UVRAG: variants seen among roughly 807,000 people sequenced by gnomAD.
UVRAG encodes the protein UV radiation resistance-associated gene protein.
In UVRAG, 19 loss-of-function variants were observed where a neutral mutation model predicts 78.0. That is an observed-to-expected ratio of 0.24 (90% CI 0.17 to 0.36). The LOEUF is 0.36. Ranked by LOEUF, UVRAG falls within the 10% of genes least tolerant of loss-of-function variation. UVRAG has a pLI of 1.00. For synonymous variants in UVRAG, 323 were observed against 324.6 expected (o/e 1.00, Z 0.05); for missense variants, 740 against 853.8 (o/e 0.87, Z 1.66).
At chr11:75,896,282 G>T (rs1565368805) in intron 5 of UVRAG, among the ~76,000 whole-genome samples, 1 of 152,162 alleles carries the variant, frequency 6.6e-6, no homozygotes, top group South Asian at 2.1e-4. Context: ...CGCTATGATG[G>T]TGATTAGGGG....
intron 1 of UVRAG, among the ~76,000 whole-genome samples, chr11:75,834,675 G>A (rs1464543049): frequency 1.3e-5 from 2 of 152,058 alleles, no homozygotes; most frequent in Admixed American, 6.6e-5. Flanking sequence ...TTAGCCGGGT[G>A]TGGTGGCACG....
Position 76,107,883 on chromosome 11 carries a change from C to A in UVRAG, c.1306-8041C>A, listed in dbSNP as rs147113707. 3.3e-3 allele frequency among the ~76,000 whole-genome samples: 498 copies of A among 151,856 alleles called. 2 individuals carry two copies. Among genetic ancestry groups the A allele is most frequent in the Non-Finnish European group, 5.4e-3 (365 of 67,950 alleles). On this transcript the variant is annotated intron_variant, in intron 13 of 14. Transcript: ENST00000356136. ...TGGATTGAAATAGTGGTAACTAGTT[C>A]CACAGAGATGTTTGCCTACATAAGG...
chr11:76,069,996 A>C (rs756759765), intron 13 of UVRAG, among the ~76,000 whole-genome samples: 7 of 152,236 alleles, frequency 4.6e-5, no homozygotes, highest in Non-Finnish European at 1.0e-4. Context: ...ATTAATAATG[A>C]ATGGTGATAT....
intron 5 of UVRAG, among the ~76,000 whole-genome samples, chr11:75,910,539 C>CTTTTTTTT (rs935961405): frequency 8.1e-6 from 1 of 124,050 alleles, no homozygotes; most frequent in Non-Finnish European, 1.7e-5. Context: ...TCCTTTTTAT[C>CTTTTTTTT]TTTTTTTTTT....
At chr11:76,130,131 G>C (rs1231496988) in intron 14 of UVRAG, among the ~76,000 whole-genome samples, 1 of 152,074 alleles carries the variant, frequency 6.6e-6, no homozygotes, top group Admixed American at 6.5e-5. Flanking sequence ...TGCTGTTCCT[G>C]CTACCTGGAA....
intron 9 of UVRAG, among the ~76,000 whole-genome samples, chr11:76,005,714 G>A (rs558498422): frequency 6.6e-6 from 1 of 152,348 alleles, no homozygotes; most frequent in Non-Finnish European, 1.5e-5. Context: ...GTTGTGACCT[G>A]TGCTTCTGAT....
At chr11:75,961,618 G>A (rs1207458082) in intron 7 of UVRAG, 69 bp downstream of exon 7, 2 of 1,271,880 alleles carry the variant, frequency 1.6e-6, no homozygotes, top group Admixed American at 2.8e-5. Flanking sequence ...TTCTTCTAGG[G>A]TTAATTTTAA....
chr11:75,828,683 A>G (rs2135816073), intron 1 of UVRAG, among the ~76,000 whole-genome samples: 1 of 110,734 alleles, frequency 9.0e-6, no homozygotes, highest in South Asian at 2.8e-4. Flanking sequence ...ATATATACAC[A>G]TATACATGTG....
intron 12 of UVRAG, among the ~76,000 whole-genome samples, chr11:76,061,310 C>G (rs1035509654): frequency 2.0e-5 from 3 of 152,134 alleles, no homozygotes; most frequent in African/African-American, 4.8e-5. Context: ...AGCGCCCTGT[C>G]AAAGCAGACC....
chr11:75,849,005 C>CCTGT (rs1946094408), intron 1 of UVRAG, among the ~76,000 whole-genome samples: 1 of 151,928 alleles, frequency 6.6e-6, no homozygotes, highest in Admixed American at 6.6e-5. Context: ...ATGGTGAAAC[C>CCTGT]CTGTCTTTAC....
chr11:76,003,033 A>G (rs2135331007), intron 8 of UVRAG, among the ~76,000 whole-genome samples: 1 of 152,154 alleles, frequency 6.6e-6, no homozygotes, highest in South Asian at 2.1e-4. Flanking sequence ...AGCTGTCATC[A>G]TGCCACTGTA....
chr11:75,884,240 T>TCTTTCTCTCTCTCTCTC (rs1555080662), intron 4 of UVRAG, among the ~76,000 whole-genome samples: 2,896 of 131,968 alleles, frequency 0.022, 73 homozygotes, highest in African/African-American at 0.076. Flanking sequence ...CTCTCTCTCT[T>TCTTTCTCTCTCTCTCTC]TCTCTCTCTC....
At chr11:75,994,053 T>G (rs115442369) in intron 8 of UVRAG, among the ~76,000 whole-genome samples, 1,713 of 152,162 alleles carry the variant, frequency 0.011, 38 homozygotes, top group African/African-American at 0.039. Flanking sequence ...CCATTATTCC[T>G]CCCCTCCAAC....
At chr11:76,134,694 A>G (rs975570766) in intron 14 of UVRAG, among the ~76,000 whole-genome samples, 2 of 152,234 alleles carry the variant, frequency 1.3e-5, no homozygotes, top group Non-Finnish European at 2.9e-5. Flanking sequence ...ACTGAAACGA[A>G]TCATAATGAC....
intron 13 of UVRAG, among the ~76,000 whole-genome samples, chr11:76,089,119 A>C (rs1299783011): frequency 6.6e-6 from 1 of 152,218 alleles, no homozygotes; most frequent in Non-Finnish European, 1.5e-5. Context: ...GGGAGTTCAC[A>C]TTTGTATCAA....
At chr11:75,875,443 C>CA (rs1487464743) in intron 3 of UVRAG, among the ~76,000 whole-genome samples, 3 of 148,848 alleles carry the variant, frequency 2.0e-5, no homozygotes, top group Non-Finnish European at 3.0e-5. Context: ...TGCTTAGGAC[C>CA]TGTTACGTAT....
chr11:76,052,567 T>C (rs528511209), intron 12 of UVRAG, among the ~76,000 whole-genome samples: 10 of 152,154 alleles, frequency 6.6e-5, no homozygotes, highest in Admixed American at 2.6e-4. Flanking sequence ...TTATCAGCGC[T>C]ACCTACCAGT....
chr11:75,868,245 G>A (rs966110580), intron 3 of UVRAG, among the ~76,000 whole-genome samples: 1 of 152,170 alleles, frequency 6.6e-6, no homozygotes, highest in African/African-American at 2.4e-5. Context: ...TACTGTTACG[G>A]GACAAGAAAC....
intron 8 of UVRAG, among the ~76,000 whole-genome samples, chr11:76,002,645 TAAGGTG>T (rs1162446276): frequency 1.3e-5 from 2 of 152,210 alleles, no homozygotes; most frequent in African/African-American, 4.8e-5. Context: ...AAAAAATCAC[TAAGGTG>T]AAGATTTGGG....
Sources: allele counts gnomAD v4.1 joint callset (sites outside exome capture counted in the v4.1 genomes callset), GRCh38; gene constraint gnomAD v4.1.1; transcripts MANE v1.5; gene names NCBI Gene and HGNC (gene_info 2026-07-23, HGNC 2026-07-21).